Variants in RCBTB1 observed in about 807,000 individuals in gnomAD.
RCBTB1 encodes RCC1 and BTB domain-containing protein 1.
RCBTB1 carries 46 observed loss-of-function variants against 62.4 expected under a neutral mutation model. The observed-to-expected ratio is 0.74, with a 90% CI of 0.58 to 0.94. The LOEUF (loss-of-function observed/expected upper bound fraction) is 0.94. Ranked by LOEUF, RCBTB1 falls within the 40% of genes least tolerant of loss-of-function variation. The pLI is 0.00. For synonymous variants in RCBTB1, 222 were observed against 245.8 expected (o/e 0.90, Z 0.91); for missense variants, 565 against 654.9 (o/e 0.86, Z 1.50).
At chr13:49,536,006 G>A (rs1379167452) in intron 12 of RCBTB1, among the ~76,000 whole-genome samples, 1 of 150,606 alleles carries the variant, frequency 6.6e-6, no homozygotes, top group African/African-American at 2.4e-5. Context: ...CTGGGAGACA[G>A]GAGTGAAACT....
intron 9 of RCBTB1, chr13:49,547,235 G>A (rs751656391): frequency 5.5e-5 from 66 of 1,191,402 alleles, no homozygotes; most frequent in Non-Finnish European, 6.8e-5. Context: ...GTGAAAGGGA[G>A]TATTCAATTG....
At chr13:49,564,993 T>C (rs1341874800) in intron 4 of RCBTB1, among the ~76,000 whole-genome samples, 1 of 148,932 alleles carries the variant, frequency 6.7e-6, no homozygotes. Context: ...GGATTGCAGC[T>C]GTCCCGCTCC....
At chr13:49,548,899 G>GGC (rs1961066824) in intron 9 of RCBTB1, among the ~76,000 whole-genome samples, 1 of 98,470 alleles carries the variant, frequency 1.0e-5, no homozygotes, top group African/African-American at 6.1e-5. Context: ...GCCAGGCACA[G>GGC]TGGCAGGTGG....
intron 10 of RCBTB1, among the ~76,000 whole-genome samples, chr13:49,542,662 A>C (rs1473978398): frequency 6.6e-6 from 1 of 151,490 alleles, no homozygotes; most frequent in Non-Finnish European, 1.5e-5. Flanking sequence ...ATTATCCGAC[A>C]ATTTTTCTTC....
chr13:49,547,280 C>T (rs991772100), intron 9 of RCBTB1: 2 of 865,038 alleles, frequency 2.3e-6, no homozygotes, highest in South Asian at 1.6e-5. Flanking sequence ...TCTTCCTAAG[C>T]ACCCTTGCCT....
rs1959761428 is a variant in RCBTB1 at position 49,534,265 on chromosome 13, G to A, written c.1456-3C>T. ...TTAAAGCAGAATTCTTCTAAATCCT[G>A]GACACACAACAAAAATAAAAACAAA... is the stretch of plus-strand genomic sequence containing the variant. On this transcript the variant is annotated splice_polypyrimidine_tract_variant and splice_region_variant and intron_variant, in intron 12 of 12. Transcript: ENST00000378302. The A allele has an allele frequency of 5.0e-6, 8 of 1,606,670 alleles. No individual in the cohort carries two copies. The East Asian group carries it at 1.8e-4, about 36-fold the overall frequency.
chr13:49,568,424 C>T (rs898837779), intron 2 of RCBTB1, among the ~76,000 whole-genome samples: 1 of 152,108 alleles, frequency 6.6e-6, no homozygotes. Flanking sequence ...ATGAAAATTG[C>T]TAGGTCAAAG....
intron 12 of RCBTB1, among the ~76,000 whole-genome samples, chr13:49,536,976 G>C (rs1959987560): frequency 6.6e-6 from 1 of 151,922 alleles, no homozygotes; most frequent in South Asian, 2.1e-4. Flanking sequence ...ATTTTCTTTA[G>C]TAACAAAACA....
Position 49,585,538 on chromosome 13 carries a change from CCGGCAGCGAA to C in RCBTB1, c.-226_-217del, listed in dbSNP as rs1417004446. 6.6e-6 allele frequency: 1 copy of C among 152,170 alleles called. No homozygotes were observed. The highest frequency in any genetic ancestry group is 1.5e-5 in the Non-Finnish European group (1 of 67,994). The allele number at this position is 152,170 out of a possible 1,614,324, so 9.4% of individuals were successfully genotyped here. A position where few individuals can be genotyped will look rare whatever the true frequency, so the allele number is the denominator to read the frequency against. ...AAGTGCGAGCGAGCGGCGGTGCCCA[CCGGCAGCGAA>C]GAGGAGGAGCGCCAGGGCGCCGGGC... On this transcript the variant is annotated 5_prime_UTR_variant, in exon 1 of 13. Transcript: ENST00000378302.
At chr13:49,556,195 G>A (rs1208597275) in intron 5 of RCBTB1, among the ~76,000 whole-genome samples, 1 of 141,410 alleles carries the variant, frequency 7.1e-6, no homozygotes, top group Non-Finnish European at 1.5e-5. Flanking sequence ...GTTTTGCTTT[G>A]GTTTTTTTTT....
chr13:49,543,207 T>G (rs993250610), intron 10 of RCBTB1, among the ~76,000 whole-genome samples: 5 of 152,024 alleles, frequency 3.3e-5, no homozygotes, highest in African/African-American at 1.2e-4. Flanking sequence ...GAGGTTGCAG[T>G]GAGCTGGTAT....
intron 2 of RCBTB1, among the ~76,000 whole-genome samples, chr13:49,579,213 G>T (rs1299610391): frequency 2.6e-5 from 4 of 152,156 alleles, no homozygotes; most frequent in African/African-American, 9.7e-5. Flanking sequence ...TATGGTATAA[G>T]GGCTGCAAAT....
At position 49,533,892 on chromosome 13, in the gene RCBTB1, A is replaced by G. The variant is rs545000198; in HGVS notation, c.*230T>C. The G allele has an allele frequency of 3.1e-5, 12 of 392,236 alleles. No individual in the cohort carries two copies. The Admixed American group carries it at 3.8e-4, about 12-fold the overall frequency. 24.3% of individuals were successfully genotyped at this position (392,236 alleles called of 1,614,324 possible). A position where few individuals can be genotyped will look rare whatever the true frequency, so the allele number is the denominator to read the frequency against. On this transcript the variant is annotated 3_prime_UTR_variant, in exon 13 of 13. Transcript: ENST00000378302. ...TTACATGTTCCAGCCCAAATTTACG[A>G]AAGGTCACATTTAAAATACACTTAT...
intron 5 of RCBTB1, among the ~76,000 whole-genome samples, chr13:49,559,209 T>C (rs1962207607): frequency 6.6e-6 from 1 of 152,202 alleles, no homozygotes; most frequent in Non-Finnish European, 1.5e-5. Context: ...TATTCAGCCC[T>C]GAAAAGGAAT....
chr13:49,547,855 C>A (rs558468709), intron 9 of RCBTB1, among the ~76,000 whole-genome samples: 6 of 152,120 alleles, frequency 3.9e-5, no homozygotes, highest in African/African-American at 1.4e-4. Context: ...GTGGTGCGAC[C>A]ACAGTTCACT....
At chr13:49,558,394 T>C (rs1027222382) in intron 5 of RCBTB1, among the ~76,000 whole-genome samples, 1 of 151,790 alleles carries the variant, frequency 6.6e-6, no homozygotes, top group East Asian at 1.9e-4. Flanking sequence ...TATTAGAAAA[T>C]AAAAATTCAC....
intron 4 of RCBTB1, among the ~76,000 whole-genome samples, chr13:49,564,667 G>A (rs1279439384): frequency 4.6e-5 from 7 of 150,946 alleles, no homozygotes; most frequent in East Asian, 3.9e-4. Flanking sequence ...TGAGGTGGGC[G>A]GATCACGAGG....
Position 49,568,652 on chromosome 13 carries a change from G to T in RCBTB1, c.-41-1332C>A, listed in dbSNP as rs201384276. Among the ~76,000 whole-genome samples, 11 of 10,400 alleles carry T rather than the reference G, an allele frequency of 1.1e-3. No homozygotes were observed. In the East Asian group the frequency reaches 0.011, roughly 11 times the overall value. The allele number at this position is 10,400 out of a possible 152,430, so 6.8% of individuals were successfully genotyped here. Reference sequence around the variant, plus strand: ...CACTTAAAAAAATAATCAGGCCGGGGGAGGGGGGTGGCTCACACCTGTAAT... The same window carrying T: ...CACTTAAAAAAATAATCAGGCCGGGTGAGGGGGGTGGCTCACACCTGTAAT... On this transcript the variant is annotated intron_variant, in intron 2 of 12. Coordinates refer to ENST00000378302, the MANE Select transcript of RCBTB1 (RefSeq NM_018191.4).
At position 49,555,496 on chromosome 13, in the gene RCBTB1, G is replaced by A. The variant is rs139163191; in HGVS notation, c.603+19C>T. 5.8e-3 allele frequency: 9,363 copies of A among 1,604,928 alleles called. 30 individuals carry two copies. The highest frequency in any genetic ancestry group is 7.1e-3 in the Non-Finnish European group (8,356 of 1,171,902). ...TGAAAAAGAAGGTAGAAAGGGAAAT[G>A]GGAGTGGAGACACCTCACCTCGCCA... On this transcript the variant is annotated intron_variant, in intron 6 of 12. Coordinates refer to ENST00000378302, the MANE Select transcript of RCBTB1 (RefSeq NM_018191.4).
Sources: gnomAD v4.1 joint callset for allele counts (sites outside exome capture counted in the v4.1 genomes callset) on GRCh38, gnomAD v4.1.1 for gene constraint, MANE v1.5 for transcripts, NCBI Gene and HGNC (gene_info 2026-07-23, HGNC 2026-07-21) for gene names.